ABCD2: variants seen among roughly 807,000 people sequenced by gnomAD.
The protein encoded by ABCD2 is ATP binding cassette subfamily D member 2.
ABCD2 carries 36 observed loss-of-function variants against 70.9 expected under a neutral mutation model. The ratio of observed to expected loss-of-function variants is 0.51; its 90% CI spans 0.39 to 0.67. The LOEUF is 0.67. ABCD2 is among the 30% of genes least tolerant of loss of function. The pLI is 0.00. For synonymous variants in ABCD2, 304 were observed against 306.9 expected, an observed-to-expected ratio of 0.99 and a Z score of 0.10; for missense variants, 729 against 890.2, an observed-to-expected ratio of 0.82 and a Z score of 2.30.
intron 6 of ABCD2, among the ~76,000 whole-genome samples, chr12:39,590,783 A>T (rs1941734862): frequency 6.6e-6 from 1 of 151,232 alleles, no homozygotes; most frequent in Non-Finnish European, 1.5e-5. Flanking sequence ...AAATGTATTG[A>T]TGTTTGTTAG....
rs547809238 is a variant in ABCD2, at chr12:39,573,941, A to G, written c.1878-100T>C. 5.5e-4 allele frequency: 650 copies of G among 1,174,546 alleles called. 1 individual carries two copies. Among genetic ancestry groups the G allele is most frequent in the Non-Finnish European group, 7.3e-4 (622 of 848,096 alleles). 72.8% of individuals were successfully genotyped at this position (1,174,546 alleles called of 1,614,324 possible). A position where few individuals can be genotyped will look rare whatever the true frequency, so the allele number is the denominator to read the frequency against. On this transcript the variant is annotated intron_variant, in intron 8 of 9. Transcript: ENST00000308666. ...GCATTGCTAACAATTTTAATGGAGC[A>G]AAAAAGACTATGGCATTATTAAAGG...
At chr12:39,561,275 C>G (rs1941254273) in intron 9 of ABCD2, among the ~76,000 whole-genome samples, 1 of 151,396 alleles carries the variant, frequency 6.6e-6, no homozygotes, top group Admixed American at 6.6e-5. Context: ...CCCCTGTAAT[C>G]CTAGCTACTA....
chr12:39,602,895 T>G (rs940247567), intron 5 of ABCD2, among the ~76,000 whole-genome samples: 7 of 152,198 alleles, frequency 4.6e-5, no homozygotes, highest in African/African-American at 1.7e-4. Flanking sequence ...TTATAAATTA[T>G]GAAACCATTA....
chr12:39,542,183 G>T, the ABCD2 span, among the ~76,000 whole-genome samples: 1 of 152,136 alleles, frequency 6.6e-6, no homozygotes, highest in Admixed American at 6.5e-5. Flanking sequence ...AGAATAAATT[G>T]CCAAGCATGG....
Position 39,588,758 on chromosome 12 carries a change from TA to T in ABCD2, c.1647-2462del, listed in dbSNP as rs748531829. Among the ~76,000 whole-genome samples the T allele has an allele frequency of 5.1e-3, 735 of 142,980 alleles. 4 individuals carry two copies. The highest frequency in any genetic ancestry group is 0.012 in the African/African-American group (456 of 39,246). 93.8% of individuals were successfully genotyped at this position (142,980 alleles called of 152,430 possible). A position where few individuals can be genotyped will look rare whatever the true frequency, so the allele number is the denominator to read the frequency against. On this transcript the variant is annotated intron_variant, in intron 6 of 9. Transcript: ENST00000308666. ...ACAAACCCAAATTGAGGTGTTCTCT[TA>T]AAAAAAAAAAGCAATAGTCTGGCAT...
intron 9 of ABCD2, among the ~76,000 whole-genome samples, chr12:39,567,100 A>G (rs1238336133): frequency 1.3e-5 from 2 of 152,182 alleles, no homozygotes; most frequent in African/African-American, 2.4e-5. Flanking sequence ...AGAAGAATGT[A>G]TATTGTGTTG....
chr12:39,594,101 TC>T (rs775732836), intron 6 of ABCD2, among the ~76,000 whole-genome samples: 1 of 152,128 alleles, frequency 6.6e-6, no homozygotes, highest in African/African-American at 2.4e-5. Flanking sequence ...TTAGTACAGA[TC>T]AGCACACCAA....
chr12:39,570,510 T>C (rs1941432729), intron 9 of ABCD2, among the ~76,000 whole-genome samples: 2 of 152,180 alleles, frequency 1.3e-5, no homozygotes, highest in Non-Finnish European at 2.9e-5. Context: ...CAATAAATTG[T>C]GGGAAACTGT....
At chr12:39,579,056 T>A (rs1324528139) in intron 8 of ABCD2, among the ~76,000 whole-genome samples, 1 of 152,130 alleles carries the variant, frequency 6.6e-6, no homozygotes, top group East Asian at 1.9e-4. Context: ...TACTTGGAGA[T>A]TCTACTATAA....
At chr12:39,563,644 A>C (rs944838751) in intron 9 of ABCD2, among the ~76,000 whole-genome samples, 3 of 149,732 alleles carry the variant, frequency 2.0e-5, no homozygotes, top group African/African-American at 4.9e-5. Context: ...TTTTAATTAT[A>C]CTTTAAGTTT....
At chr12:39,601,703 T>C (rs1354948723) in intron 5 of ABCD2, among the ~76,000 whole-genome samples, 2 of 152,036 alleles carry the variant, frequency 1.3e-5, no homozygotes, top group South Asian at 2.1e-4. Flanking sequence ...ATAGAAAGGA[T>C]ACCAATATTC....
chr12:39,598,193 C>T (rs1417496923), intron 6 of ABCD2, among the ~76,000 whole-genome samples: 1 of 152,122 alleles, frequency 6.6e-6, no homozygotes, highest in Non-Finnish European at 1.5e-5. Flanking sequence ...AATTAATGTA[C>T]ATTCTGATCA....
At chr12:39,543,722 C>G in the ABCD2 span, among the ~76,000 whole-genome samples, 6 of 152,330 alleles carry the variant, frequency 3.9e-5, no homozygotes, top group South Asian at 1.2e-3. Flanking sequence ...GCAAAGAAAG[C>G]AATTTTATTA....
At position 39,619,256 on chromosome 12, in the gene ABCD2, A is replaced by G. The variant is rs1364677663; in HGVS notation, c.360T>C (p.Leu120=). Residue 120 remains leucine, a synonymous_variant, in exon 1 of 10, where the codon CTT becomes CTC. Coordinates refer to ENST00000308666, the MANE Select transcript of ABCD2 (RefSeq NM_005164.4). ...CATCCAGACCAGCCACATAGATAGA[A>G]AGAAAGGTTCTTGAGATTAGAGCCA... ...HSVALISRTF[L]SIYVAGLDGK... is the part of the protein sequence containing the mutation. The G allele has an allele frequency of 6.2e-7, 1 of 1,614,158 alleles. No homozygotes were observed. Among genetic ancestry groups the G allele is most frequent in the African/African-American group, 1.3e-5 (1 of 75,018 alleles).
chr12:39,565,723 G>C (rs1050681563), intron 9 of ABCD2, among the ~76,000 whole-genome samples: 4 of 152,176 alleles, frequency 2.6e-5, no homozygotes, highest in Admixed American at 2.6e-4. Context: ...CAAAGGGAAT[G>C]CTCCCAGTTT....
At chr12:39,614,486 T>C (rs906636113) in intron 2 of ABCD2, among the ~76,000 whole-genome samples, 3 of 152,002 alleles carry the variant, frequency 2.0e-5, no homozygotes, top group African/African-American at 7.2e-5. Context: ...CATTTTATCC[T>C]CTTTTTCCCC....
intron 9 of ABCD2, among the ~76,000 whole-genome samples, chr12:39,569,493 G>C (rs541355950): frequency 6.6e-6 from 1 of 152,154 alleles, no homozygotes; most frequent in Non-Finnish European, 1.5e-5. Context: ...TATTAGGGTG[G>C]GAGTGACCCG....
At chr12:39,544,640 C>T in the ABCD2 span, among the ~76,000 whole-genome samples, 1 of 152,084 alleles carries the variant, frequency 6.6e-6, no homozygotes, top group Non-Finnish European at 1.5e-5. Flanking sequence ...TGGTTTCAAT[C>T]CCTCCCTTTA....
intron 8 of ABCD2, among the ~76,000 whole-genome samples, chr12:39,574,995 T>C (rs1285635797): frequency 6.6e-6 from 1 of 152,164 alleles, no homozygotes; most frequent in African/African-American, 2.4e-5. Flanking sequence ...TCAACAGAAG[T>C]AGTGTCACTG....
Sources: allele counts gnomAD v4.1 joint callset (sites outside exome capture counted in the v4.1 genomes callset), GRCh38; gene constraint gnomAD v4.1.1; transcripts MANE v1.5; gene names NCBI Gene and HGNC (gene_info 2026-07-23, HGNC 2026-07-21).